The following SAMD12 variants were observed in gnomAD, a reference collection of about 807,000 sequenced individuals.
SAMD12 encodes sterile alpha motif domain containing 12, also known as sterile alpha motif domain-containing protein 12.
SAMD12 carries 9 observed loss-of-function variants against 15.0 expected under a neutral mutation model. The observed-to-expected ratio is 0.60, with a 90% CI of 0.36 to 1.05. SAMD12 has a LOEUF of 1.05. Among genes scored for constraint, SAMD12 ranks in the 50% least tolerant of loss-of-function variants. The pLI, the probability that SAMD12 is intolerant of heterozygous loss-of-function variation, is 0.01. For synonymous variants in SAMD12, 86 were observed against 90.1 expected (o/e 0.96, Z 0.25); for missense variants, 230 against 234.2 (o/e 0.98, Z 0.12).
chr8:118,336,051 C>A (rs1248839079), intron 4 of SAMD12, among the ~76,000 whole-genome samples: 1 of 152,182 alleles, frequency 6.6e-6, no homozygotes, highest in Non-Finnish European at 1.5e-5. Flanking sequence ...CTTAAAACCA[C>A]CTCATGATGT....
At chr8:118,573,381 C>T (rs1319980852) in intron 2 of SAMD12, among the ~76,000 whole-genome samples, 2 of 152,202 alleles carry the variant, frequency 1.3e-5, no homozygotes, top group African/African-American at 4.8e-5. Flanking sequence ...CCACTGCGCC[C>T]AGCCTAAACC....
intron 4 of SAMD12, among the ~76,000 whole-genome samples, chr8:118,254,385 G>T (rs1034774530): frequency 1.3e-5 from 2 of 152,104 alleles, no homozygotes. Context: ...CAGCCTCCTT[G>T]CTGGAAACGA....
chr8:118,164,842 CAT>C, the SAMD12 span, among the ~76,000 whole-genome samples: 3 of 151,324 alleles, frequency 2.0e-5, no homozygotes, highest in East Asian at 1.9e-4. Flanking sequence ...TATATACATA[CAT>C]ATATATATAC....
chr8:118,146,556 C>T, the SAMD12 span, among the ~76,000 whole-genome samples: 1 of 152,132 alleles, frequency 6.6e-6, no homozygotes, highest in Non-Finnish European at 1.5e-5. Flanking sequence ...AGCTATGTTG[C>T]CTATGAGGAA....
At chr8:118,391,721 A>G (rs1345560517) in intron 3 of SAMD12, among the ~76,000 whole-genome samples, 2 of 152,216 alleles carry the variant, frequency 1.3e-5, no homozygotes, top group Non-Finnish European at 2.9e-5. Flanking sequence ...AAATGTTATC[A>G]GTATCAGGGA....
intron 4 of SAMD12, among the ~76,000 whole-genome samples, chr8:118,358,701 C>T (rs1286036182): frequency 6.6e-6 from 1 of 152,084 alleles, no homozygotes; most frequent in East Asian, 1.9e-4. Flanking sequence ...CAAAAGCAAT[C>T]ACCAGATGAC....
intron 2 of SAMD12, among the ~76,000 whole-genome samples, chr8:118,500,010 C>T (rs1412365197): frequency 6.6e-6 from 1 of 150,856 alleles, no homozygotes; most frequent in Non-Finnish European, 1.5e-5. Flanking sequence ...TGTACGGTCC[C>T]CCCACATACA....
chr8:118,146,752 A>T, the SAMD12 span, among the ~76,000 whole-genome samples: 1 of 152,220 alleles, frequency 6.6e-6, no homozygotes, highest in Non-Finnish European at 1.5e-5. Context: ...CTGACGAGCC[A>T]CACTGGGTTT....
At chr8:118,573,539 T>G (rs1253153234) in intron 2 of SAMD12, among the ~76,000 whole-genome samples, 1 of 152,228 alleles carries the variant, frequency 6.6e-6, no homozygotes, top group South Asian at 2.1e-4. Flanking sequence ...CAGTTTAGAA[T>G]GACTGCCACA....
At chr8:118,402,752 C>G (rs2130791029) in intron 3 of SAMD12, among the ~76,000 whole-genome samples, 1 of 152,324 alleles carries the variant, frequency 6.6e-6, no homozygotes. Context: ...CATGAAAGAA[C>G]AGACGCTGGC....
At chr8:118,598,071 T>C (rs914900581) in intron 1 of SAMD12, among the ~76,000 whole-genome samples, 3 of 152,248 alleles carry the variant, frequency 2.0e-5, no homozygotes, top group Admixed American at 6.5e-5. Context: ...AAGGCTTCTT[T>C]AGCTATTGCT....
intron 4 of SAMD12, among the ~76,000 whole-genome samples, chr8:118,316,944 C>T (rs180743300): frequency 1.8e-4 from 27 of 151,640 alleles, no homozygotes; most frequent in South Asian, 1.5e-3. Flanking sequence ...TGTTAGCCAC[C>T]GTGCCTGTCA....
At chr8:118,322,438 T>C (rs542093801) in intron 4 of SAMD12, among the ~76,000 whole-genome samples, 12 of 152,220 alleles carry the variant, frequency 7.9e-5, no homozygotes, top group Non-Finnish European at 1.8e-4. Flanking sequence ...TACATGCCTG[T>C]GGGCAGTTCA....
At chr8:118,372,416 T>C (rs917222678) in intron 4 of SAMD12, among the ~76,000 whole-genome samples, 8 of 143,490 alleles carry the variant, frequency 5.6e-5, no homozygotes, top group African/African-American at 1.6e-4. Flanking sequence ...TCTACAAAGA[T>C]GCAGTATTTT....
intron 2 of SAMD12, among the ~76,000 whole-genome samples, chr8:118,462,698 A>C (rs1823460840): frequency 1.3e-5 from 2 of 152,278 alleles, no homozygotes; most frequent in South Asian, 4.1e-4. Flanking sequence ...AGAAATGAGG[A>C]CCATTCTCAA....
chr8:118,159,097 A>G, the SAMD12 span, among the ~76,000 whole-genome samples: 1 of 151,930 alleles, frequency 6.6e-6, no homozygotes, highest in Non-Finnish European at 1.5e-5. Context: ...ACCACATTTC[A>G]AGCATGAGAA....
At chr8:118,452,774 C>G (rs926304891) in intron 2 of SAMD12, among the ~76,000 whole-genome samples, 2 of 152,208 alleles carry the variant, frequency 1.3e-5, no homozygotes, top group Admixed American at 6.5e-5. Flanking sequence ...CTTGTCCCAT[C>G]TCTTCTGACT....
At chr8:118,508,592 C>T (rs1241064454) in intron 2 of SAMD12, among the ~76,000 whole-genome samples, 2 of 152,208 alleles carry the variant, frequency 1.3e-5, no homozygotes, top group East Asian at 3.8e-4. Flanking sequence ...TTTACAGTCT[C>T]ACCTCCATGT....
chr8:118,594,411 A>C (rs114543346), intron 1 of SAMD12, among the ~76,000 whole-genome samples: 1,602 of 152,286 alleles, frequency 0.011, 32 homozygotes, highest in African/African-American at 0.034. Context: ...TGTTAGCAAA[A>C]GAAAAAAAAC....
Sources: allele counts gnomAD v4.1 joint callset (sites outside exome capture counted in the v4.1 genomes callset), GRCh38; gene constraint gnomAD v4.1.1; transcripts MANE v1.5; gene names NCBI Gene and HGNC (gene_info 2026-07-23, HGNC 2026-07-21).